Variants in ITSN1 observed in about 807,000 individuals in gnomAD.
ITSN1 encodes intersectin 1.
ITSN1 carries 58 observed loss-of-function variants against 239.8 expected under a neutral mutation model. The ratio of observed to expected loss-of-function variants is 0.24; its 90% CI spans 0.20 to 0.30. The LOEUF is 0.30. ITSN1 is among the 10% of genes least tolerant of loss of function. The probability of loss-of-function intolerance (pLI) is 1.00; values close to 1 mark genes in which losing one functional copy is unlikely to be tolerated. For missense variants in ITSN1, 1,558 were observed against 2,103.3 expected (o/e 0.74, Z 5.07); for synonymous variants, 780 against 770.8 (o/e 1.01, Z -0.20).
chr21:33,872,721 G>A (rs1473070720), intron 33 of ITSN1, among the ~76,000 whole-genome samples: 1 of 151,972 alleles, frequency 6.6e-6, no homozygotes, highest in Non-Finnish European at 1.5e-5. Flanking sequence ...TAGTGGAGAC[G>A]GGGTTTGACC....
intron 1 of ITSN1, among the ~76,000 whole-genome samples, chr21:33,683,168 C>G (rs1181750505): frequency 6.6e-6 from 1 of 151,844 alleles, no homozygotes; most frequent in Non-Finnish European, 1.5e-5. Context: ...ATAATCAGCT[C>G]CTGGGGAATC....
chr21:33,675,145 G>T (rs2090515076), intron 1 of ITSN1, among the ~76,000 whole-genome samples: 1 of 152,094 alleles, frequency 6.6e-6, no homozygotes, highest in Non-Finnish European at 1.5e-5. Flanking sequence ...TAATTCTGAA[G>T]CATCTTTTTT....
intron 1 of ITSN1, among the ~76,000 whole-genome samples, chr21:33,691,820 A>G (rs2091561983): frequency 6.6e-6 from 1 of 152,154 alleles, no homozygotes; most frequent in Non-Finnish European, 1.5e-5. Context: ...AAGGGTACCA[A>G]TCCCATTCAT....
intron 29 of ITSN1, 114 bp downstream of exon 29, chr21:33,836,746 C>G: frequency 1.1e-6 from 1 of 889,828 alleles, no homozygotes; most frequent in African/African-American, 1.7e-5. Context: ...TAGACCATTG[C>G]TGCATTCGCA....
intron 1 of ITSN1, among the ~76,000 whole-genome samples, chr21:33,691,237 A>G (rs1236832557): frequency 6.6e-6 from 1 of 152,182 alleles, no homozygotes; most frequent in East Asian, 1.9e-4. Flanking sequence ...GTCATATAAT[A>G]AACAGTCAAT....
rs189279610 is a variant in ITSN1 at position 33,840,250 on chromosome 21, A to G, written c.3661+3618A>G. 2.3e-3 allele frequency among the ~76,000 whole-genome samples: 353 copies of G among 152,368 alleles called. 3 individuals are homozygous for G. The highest frequency in any genetic ancestry group is 7.8e-3 in the African/African-American group (326 of 41,592). On this transcript the variant is annotated intron_variant, in intron 29 of 39. Transcript: ENST00000381318. ...TTAACAGAAAATTGAGTACAAGGGA[A>G]AGAAAGCATCTTTCTTCTAATAAAT... is the stretch of plus-strand genomic sequence containing the variant.
At position 33,772,161 on chromosome 21, in the gene ITSN1, G is replaced by A. The variant is rs1410225775; in HGVS notation, c.1143G>A (p.Glu381=). 20 of 1,614,222 alleles carry A rather than the reference G, an allele frequency of 1.2e-5. No homozygotes were observed. The highest frequency in any genetic ancestry group is 1.5e-5 in the Non-Finnish European group (18 of 1,180,024). The part of the protein sequence containing the change: ...ALLEQQRKEQ[E]RLAQLERAEQ... ...TGGAACAGCAGCGCAAGGAGCAGGA[G>A]CGCCTGGCCCAGCTGGAGCGGGCGG... Residue 381 remains glutamate (E), a synonymous_variant, in exon 12 of 40, where the codon GAG becomes GAA. Transcript: ENST00000381318.
intron 33 of ITSN1, among the ~76,000 whole-genome samples, chr21:33,875,103 G>T (rs1983500339): frequency 1.3e-5 from 2 of 152,254 alleles, no homozygotes; most frequent in East Asian, 3.9e-4. Context: ...TCAGGGTGTG[G>T]GGCTGGACTG....
intron 1 of ITSN1, among the ~76,000 whole-genome samples, chr21:33,656,534 G>A (rs1280063351): frequency 1.3e-5 from 2 of 152,086 alleles, no homozygotes; most frequent in African/African-American, 4.8e-5. Flanking sequence ...TGTAGCCACT[G>A]AAACAAGCTT....
rs940956709 is a variant in ITSN1 at position 33,823,671 on chromosome 21, G to C, written c.3183+18G>C. 1 of 1,605,606 alleles carries C rather than the reference G, an allele frequency of 6.2e-7. No homozygotes were observed. The highest frequency in any genetic ancestry group is 8.5e-7 in the Non-Finnish European group (1 of 1,175,312). On this transcript the variant is annotated intron_variant, in intron 25 of 39. Coordinates refer to ENST00000381318, the MANE Select transcript of ITSN1 (RefSeq NM_003024.3). ...ATTCAGAGGTAAACCCACATTAACT[G>C]TTTCCTCTCCCTTTCTGTGCGGTGA...
chr21:33,771,846 C>T (rs948514919), intron 11 of ITSN1, among the ~76,000 whole-genome samples: 1 of 152,090 alleles, frequency 6.6e-6, no homozygotes, highest in Non-Finnish European at 1.5e-5. Flanking sequence ...AGATAAGGAT[C>T]TTTTAGAAAC....
In ITSN1 at chr21:33,799,916, G is replaced by A; in HGVS notation, c.2291G>A (p.Gly764Glu). 1 of 1,613,712 alleles carries A rather than the reference G, an allele frequency of 6.2e-7. No homozygotes were observed. Among genetic ancestry groups the A allele is most frequent in the Non-Finnish European group, 8.5e-7 (1 of 1,179,858 alleles). ...RSHDEITIQP[G>E]DIVMVKGEWV... The stretch of plus-strand genomic sequence containing the variant: ...CATGATGAAATCACTATCCAGCCAG[G>A]AGACATAGTCATGGTAAGAAAGACT... The change falls in exon 19 of 40, where the codon GGA becomes GAA. Residue 764 changes from glycine (G) to glutamate (E), a missense_variant. Physicochemically the swap from Gly to Glu is moderately conservative, Grantham distance 98. Transcript: ENST00000381318.
chr21:33,663,810 A>T (rs1364213734), intron 1 of ITSN1, among the ~76,000 whole-genome samples: 1 of 152,098 alleles, frequency 6.6e-6, no homozygotes, highest in African/African-American at 2.4e-5. Flanking sequence ...CTCCGTGTTG[A>T]GGCTGGTCTC....
At chr21:33,870,001 C>G (rs1009359345) in intron 33 of ITSN1, among the ~76,000 whole-genome samples, 3 of 152,076 alleles carry the variant, frequency 2.0e-5, no homozygotes, top group Non-Finnish European at 4.4e-5. Flanking sequence ...CCCCTTCTGC[C>G]TTTGTAACTC....
intron 22 of ITSN1, chr21:33,817,247 A>AC (rs765433669): frequency 7.7e-7 from 1 of 1,300,548 alleles, no homozygotes. Flanking sequence ...TTCCTCCTCC[A>AC]CCCCTCCATG....
chr21:33,735,543 G>A (rs554776275), intron 5 of ITSN1: 27 of 267,424 alleles, frequency 1.0e-4, no homozygotes, highest in Non-Finnish European at 1.6e-4. Context: ...TTTGATTTTC[G>A]GTTTCCATAA....
chr21:33,733,195 C>T (rs190330496), intron 4 of ITSN1, among the ~76,000 whole-genome samples: 2 of 152,214 alleles, frequency 1.3e-5, no homozygotes, highest in Non-Finnish European at 2.9e-5. Flanking sequence ...GTAATATTGA[C>T]CTGGAAATTG....
chr21:33,819,182 C>G, intron 23 of ITSN1, 59 bp from the exon 24 acceptor site: 1 of 1,287,818 alleles, frequency 7.8e-7, no homozygotes, highest in South Asian at 1.2e-5. Context: ...AAATCAGTGT[C>G]ATTGTACGAT....
At chr21:33,717,552 T>C (rs1569010833) in intron 1 of ITSN1, among the ~76,000 whole-genome samples, 2 of 152,080 alleles carry the variant, frequency 1.3e-5, no homozygotes, top group Admixed American at 6.6e-5. Context: ...AGGAAAAATA[T>C]TCACTAAATC....
Sources: allele counts gnomAD v4.1 joint callset (sites outside exome capture counted in the v4.1 genomes callset), GRCh38; gene constraint gnomAD v4.1.1; transcripts MANE v1.5; gene names NCBI Gene and HGNC (gene_info 2026-07-23, HGNC 2026-07-21).